CDH19: variants seen among roughly 807,000 people sequenced by gnomAD.
CDH19 encodes the protein cadherin 19.
Under a neutral mutation model 64.2 loss-of-function variants are expected in CDH19, and 67 were observed. That is an observed-to-expected ratio of 1.04 (90% CI 0.86 to 1.28). The LOEUF is 1.28. CDH19 is among the 50% of genes most tolerant of loss of function. The pLI, the probability that CDH19 is intolerant of heterozygous loss-of-function variation, is 0.00. For missense variants in CDH19, 1,030 were observed against 929.0 expected (o/e 1.11, Z -1.41); for synonymous variants, 346 against 319.3 (o/e 1.08, Z -0.89).
chr18:66,558,009 G>A (rs983205845), intron 3 of CDH19, among the ~76,000 whole-genome samples: 24 of 151,486 alleles, frequency 1.6e-4, no homozygotes, highest in Non-Finnish European at 2.7e-4. Context: ...CTGTAGTTTT[G>A]TCCTAGGCGT....
At chr18:66,578,105 T>C (rs576552479) in intron 1 of CDH19, among the ~76,000 whole-genome samples, 1 of 152,088 alleles carries the variant, frequency 6.6e-6, no homozygotes, top group Non-Finnish European at 1.5e-5. Context: ...GAATCTCATG[T>C]TTATCTACAG....
At chr18:66,527,401 C>G (rs970936100) in intron 9 of CDH19, among the ~76,000 whole-genome samples, 5 of 151,776 alleles carry the variant, frequency 3.3e-5, no homozygotes, top group African/African-American at 1.2e-4. Flanking sequence ...GGAATAAAAT[C>G]AAGAATCTCT....
Position 66,503,272 on chromosome 18 carries a change from C to T in CDH19, c.*1540G>A, listed in dbSNP as rs1216716923. 6.6e-6 allele frequency: 1 copy of T among 151,712 alleles called. No homozygotes were observed. Among genetic ancestry groups the T allele is most frequent in the Admixed American group, 6.6e-5 (1 of 15,192 alleles). 9.4% of individuals were successfully genotyped at this position (151,712 alleles called of 1,614,324 possible). On this transcript the variant is annotated 3_prime_UTR_variant, in exon 12 of 12. Transcript: ENST00000262150. ...TCTAATGTTACTGTAAAGTTTTATG[C>T]CCAACAGCTTAGCATTGATTTCCTT...
intron 10 of CDH19, among the ~76,000 whole-genome samples, chr18:66,509,718 A>C (rs920502380): frequency 6.6e-6 from 1 of 151,742 alleles, no homozygotes; most frequent in East Asian, 1.9e-4. Context: ...GACACGGTCT[A>C]TTTTCTAATA....
rs753126419 is a variant in CDH19, at chr18:66,544,105, C to G, written c.1080G>C (p.Gln360His). The part of the protein sequence containing the change: ...TEASTTFIKI[Q>H]VEDVDEPPLF... ...GAGGAGGCTCATCAACATCTTCCAC[C>G]TGGATCTTAATGAAAGTGGTGGAAG... is the stretch of plus-strand genomic sequence containing the variant. Residue 360 changes from glutamine (Q) to histidine (H), a missense_variant, in exon 7 of 12, where the codon CAG (glutamine) becomes CAC (histidine). Physicochemically the swap from Gln to His is conservative, Grantham distance 24 (BLOSUM62 0). Coordinates refer to ENST00000262150, the MANE Select transcript of CDH19 (RefSeq NM_021153.4). The G allele has an allele frequency of 3.1e-6, 5 of 1,613,964 alleles. No homozygotes were observed. The highest frequency in any genetic ancestry group is 4.2e-6 in the Non-Finnish European group (5 of 1,179,942).
At chr18:66,539,283 C>T (rs532503122) in intron 7 of CDH19, among the ~76,000 whole-genome samples, 3 of 152,078 alleles carry the variant, frequency 2.0e-5, no homozygotes, top group Non-Finnish European at 4.4e-5. Context: ...TCACTTACTG[C>T]ATGGCCAGGA....
chr18:66,555,254 G>A (rs1285455391), intron 3 of CDH19, among the ~76,000 whole-genome samples: 3 of 151,786 alleles, frequency 2.0e-5, no homozygotes, highest in African/African-American at 4.8e-5. Flanking sequence ...GGAATTGAAT[G>A]TTATGGATCT....
intron 5 of CDH19, among the ~76,000 whole-genome samples, chr18:66,548,158 C>T (rs1320321856): frequency 6.9e-6 from 1 of 145,950 alleles, no homozygotes; most frequent in African/African-American, 2.5e-5. Flanking sequence ...ATGTAATACA[C>T]ATATATAATA....
chr18:66,536,760 T>A (rs1986689243), intron 7 of CDH19, among the ~76,000 whole-genome samples: 1 of 151,834 alleles, frequency 6.6e-6, no homozygotes, highest in African/African-American at 2.4e-5. Context: ...TAAGTTTTCT[T>A]TTCCCCCACT....
At position 66,503,946 on chromosome 18, in the gene CDH19, A is replaced by G. The variant is rs1450764158; in HGVS notation, c.*866T>C. ...CATTATCCTAGGTGTTAAAGTTTTA[A>G]AGTTTATCTCTATATAGTATCAGGA... On this transcript the variant is annotated 3_prime_UTR_variant, in exon 12 of 12. Transcript: ENST00000262150. 2.0e-5 allele frequency: 3 copies of G among 151,972 alleles called. No individual in the cohort carries two copies. The highest frequency in any genetic ancestry group is 4.4e-5 in the Non-Finnish European group (3 of 67,916). 9.4% of individuals were successfully genotyped at this position (151,972 alleles called of 1,614,324 possible).
At chr18:66,555,820 C>T (rs2144527514) in intron 3 of CDH19, among the ~76,000 whole-genome samples, 1 of 151,892 alleles carries the variant, frequency 6.6e-6, no homozygotes, top group African/African-American at 2.4e-5. Flanking sequence ...CTTCTATGCA[C>T]CGATCCACTT....
In CDH19 at chr18:66,554,472, A is replaced by T; in HGVS notation, c.543T>A (p.Gly181=). ...TASDADDPSS[G]NNARLLYSLL... ...AGCTGTAGAGGAGACGAGCATTATT[A>T]CCACTTGAGGGATCGTCAGCATCAC... The change falls in exon 4 of 12, where the codon GGT becomes GGA. Residue 181 remains glycine, a synonymous_variant. Transcript: ENST00000262150. 1 of 1,611,098 alleles carries T rather than the reference A, an allele frequency of 6.2e-7. No homozygotes were observed. The highest frequency in any genetic ancestry group is 8.5e-7 in the Non-Finnish European group (1 of 1,177,806).
At chr18:66,531,407 A>G (rs917248940) in intron 8 of CDH19, among the ~76,000 whole-genome samples, 2 of 152,174 alleles carry the variant, frequency 1.3e-5, no homozygotes, top group African/African-American at 4.8e-5. Context: ...ACTTGAACTC[A>G]GGAGTTTGAG....
At chr18:66,584,175 A>C (rs1395859976) in intron 1 of CDH19, among the ~76,000 whole-genome samples, 3 of 152,148 alleles carry the variant, frequency 2.0e-5, no homozygotes, top group Non-Finnish European at 2.9e-5. Flanking sequence ...AACCTCATTA[A>C]AAAGTAGGCA....
At chr18:66,506,116 A>T (rs921935553) in intron 11 of CDH19, among the ~76,000 whole-genome samples, 1 of 152,012 alleles carries the variant, frequency 6.6e-6, no homozygotes, top group Non-Finnish European at 1.5e-5. Flanking sequence ...AATCTAAAAA[A>T]GTTGATTTCA....
At chr18:66,582,290 T>A (rs967626204) in intron 1 of CDH19, among the ~76,000 whole-genome samples, 5 of 151,980 alleles carry the variant, frequency 3.3e-5, no homozygotes, top group Non-Finnish European at 5.9e-5. Flanking sequence ...GGGGAAGACA[T>A]AAGTTGAAGC....
chr18:66,574,704 A>G (rs1163243767), intron 1 of CDH19, among the ~76,000 whole-genome samples: 2 of 151,760 alleles, frequency 1.3e-5, no homozygotes, highest in African/African-American at 4.8e-5. Context: ...ACTTAAGCAC[A>G]GGTGTTAAAA....
At chr18:66,575,610 C>G (rs936403226) in intron 1 of CDH19, among the ~76,000 whole-genome samples, 1 of 151,814 alleles carries the variant, frequency 6.6e-6, no homozygotes, top group Non-Finnish European at 1.5e-5. Flanking sequence ...ACACCAAAGC[C>G]GTATTCCTAA....
At chr18:66,542,934 TGGTTCC>T (rs1161484070) in intron 7 of CDH19, among the ~76,000 whole-genome samples, 2 of 152,298 alleles carry the variant, frequency 1.3e-5, no homozygotes, top group Non-Finnish European at 2.9e-5. Context: ...TCCACCGAAC[TGGTTCC>T]TGGTGGCAGA....
Sources: gnomAD v4.1 joint callset for allele counts (sites outside exome capture counted in the v4.1 genomes callset) on GRCh38, gnomAD v4.1.1 for gene constraint, MANE v1.5 for transcripts, NCBI Gene and HGNC (gene_info 2026-07-23, HGNC 2026-07-21) for gene names.